CTIF: variants seen among roughly 807,000 people sequenced by gnomAD.
CTIF encodes cap binding complex dependent translation initiation factor.
In CTIF, 21 loss-of-function variants were observed where a neutral mutation model predicts 66.0. That is an observed-to-expected ratio of 0.32 (90% CI 0.23 to 0.46). CTIF has a LOEUF of 0.46. CTIF is among the 20% of genes least tolerant of loss of function. The probability of loss-of-function intolerance (pLI) is 1.00; values close to 1 mark genes in which losing one functional copy is unlikely to be tolerated. For synonymous variants in CTIF, 345 were observed against 326.4 expected (o/e 1.06, Z -0.62); for missense variants, 739 against 812.7 (o/e 0.91, Z 1.10).
intron 2 of CTIF, among the ~76,000 whole-genome samples, chr18:48,625,456 A>C (rs1289926468): frequency 6.6e-6 from 1 of 152,224 alleles, no homozygotes; most frequent in East Asian, 1.9e-4. Context: ...ATAAGAATTC[A>C]AATATTAACA....
At chr18:48,848,644 C>T (rs1422805748) in intron 10 of CTIF, among the ~76,000 whole-genome samples, 7 of 152,224 alleles carry the variant, frequency 4.6e-5, no homozygotes, top group Non-Finnish European at 7.3e-5. Flanking sequence ...CTCAGCACCC[C>T]CTTTCCCTCC....
Position 48,619,592 on chromosome 18 carries a change from C to A in CTIF, c.27C>A (p.Ala9=). 1 of 1,590,924 alleles carries A rather than the reference C, an allele frequency of 6.3e-7. No individual in the cohort carries two copies. Among genetic ancestry groups the A allele is most frequent in the Non-Finnish European group, 8.6e-7 (1 of 1,168,946 alleles). The change falls in exon 2 of 12, where the codon GCC becomes GCA. Residue 9 remains alanine (A), a synonymous_variant. Transcript: ENST00000256413. MENSSAAS[A]SSEAGSSRSQ... is the part of the protein sequence containing the mutation. ...TGGAAAACTCCTCTGCAGCATCAGC[C>A]TCCTCGGAGGCAGGGAGCAGCCGCT...
At chr18:48,715,733 G>A (rs902197299) in intron 7 of CTIF, among the ~76,000 whole-genome samples, 2 of 152,228 alleles carry the variant, frequency 1.3e-5, no homozygotes, top group African/African-American at 4.8e-5. Context: ...TGGGAAGCAG[G>A]CTCTGGGACA....
chr18:48,681,288 T>G (rs299734), intron 6 of CTIF, among the ~76,000 whole-genome samples: 94,181 of 152,062 alleles, frequency 0.62, 29,739 homozygotes, highest in East Asian at 0.83. Flanking sequence ...CACCGTCAGT[T>G]GCTTGCCTCC....
intron 9 of CTIF, among the ~76,000 whole-genome samples, chr18:48,769,293 A>C (rs1326749975): frequency 6.6e-6 from 1 of 152,220 alleles, no homozygotes; most frequent in Non-Finnish European, 1.5e-5. Context: ...CCATACCCAC[A>C]TCGAGCTCCC....
chr18:48,742,670 A>G (rs2092564996), intron 7 of CTIF, among the ~76,000 whole-genome samples: 1 of 152,272 alleles, frequency 6.6e-6, no homozygotes, highest in African/African-American at 2.4e-5. Context: ...CCAGTGCAAT[A>G]GACTTTATCA....
chr18:48,719,165 G>T (rs912862010), intron 7 of CTIF, among the ~76,000 whole-genome samples: 1 of 152,172 alleles, frequency 6.6e-6, no homozygotes, highest in East Asian at 1.9e-4. Flanking sequence ...CCTTGACACT[G>T]CTGTGGCTTC....
intron 7 of CTIF, among the ~76,000 whole-genome samples, chr18:48,715,789 A>G (rs1357464313): frequency 6.6e-6 from 1 of 152,234 alleles, no homozygotes. Context: ...TGGTGTTGAT[A>G]CTGGTAGAAG....
chr18:48,824,049 T>C (rs944968352), intron 10 of CTIF, among the ~76,000 whole-genome samples: 3 of 150,776 alleles, frequency 2.0e-5, no homozygotes, highest in African/African-American at 7.3e-5. Flanking sequence ...TCAGTAAATT[T>C]GCAAAAAACA....
At chr18:48,774,660 T>A (rs1910497341) in intron 9 of CTIF, among the ~76,000 whole-genome samples, 1 of 152,096 alleles carries the variant, frequency 6.6e-6, no homozygotes, top group Non-Finnish European at 1.5e-5. Flanking sequence ...AGACCAAGTG[T>A]ATTCCAGAGA....
chr18:48,667,885 C>G (rs1157649026), intron 5 of CTIF, among the ~76,000 whole-genome samples: 4 of 152,360 alleles, frequency 2.6e-5, no homozygotes, highest in East Asian at 1.9e-4. Flanking sequence ...CTGTGACCCC[C>G]TTAGAGTCCT....
chr18:48,817,213 C>T lies in CTIF; in HGVS notation c.1372-8C>T, dbSNP rs768886239. The T allele has an allele frequency of 2.7e-5, 43 of 1,612,388 alleles. No homozygotes were observed. Among genetic ancestry groups the T allele is most frequent in the Admixed American group, 1.7e-4 (10 of 59,946 alleles). Reference sequence around the variant, plus strand: ...GGGAGGCTGACGCGGTCTCTCATGCCTCCACAGAAGGACTTCACGGTGCGC... The same window carrying T: ...GGGAGGCTGACGCGGTCTCTCATGCTTCCACAGAAGGACTTCACGGTGCGC... On this transcript the variant is annotated splice_region_variant and splice_polypyrimidine_tract_variant and intron_variant, in intron 9 of 11. Coordinates refer to ENST00000256413, the MANE Select transcript of CTIF (RefSeq NM_014772.3).
intron 9 of CTIF, among the ~76,000 whole-genome samples, chr18:48,786,358 G>A (rs1911705164): frequency 6.6e-6 from 1 of 152,152 alleles, no homozygotes; most frequent in Admixed American, 6.5e-5. Flanking sequence ...CCCAGCGGTG[G>A]GCACTGTCAA....
intron 10 of CTIF, among the ~76,000 whole-genome samples, chr18:48,850,992 A>G (rs1367271799): frequency 6.6e-6 from 1 of 152,008 alleles, no homozygotes; most frequent in Non-Finnish European, 1.5e-5. Flanking sequence ...CCTTGAGAAA[A>G]CCCAGCAGGC....
At chr18:48,848,349 C>T (rs966098304) in intron 10 of CTIF, among the ~76,000 whole-genome samples, 2 of 152,232 alleles carry the variant, frequency 1.3e-5, no homozygotes, top group African/African-American at 4.8e-5. Flanking sequence ...CTCTGCAAAC[C>T]TCCCACTTTG....
At chr18:48,759,508 G>A (rs1437914273) in intron 8 of CTIF, among the ~76,000 whole-genome samples, 5 of 152,142 alleles carry the variant, frequency 3.3e-5, no homozygotes, top group African/African-American at 1.2e-4. Flanking sequence ...TCTGCTAAAT[G>A]TAACTGCAGG....
chr18:48,719,453 C>T (rs2092312446), intron 7 of CTIF, among the ~76,000 whole-genome samples: 1 of 152,196 alleles, frequency 6.6e-6, no homozygotes, highest in African/African-American at 2.4e-5. Context: ...TATATCTATA[C>T]ATCAGCTCAT....
At chr18:48,770,742 C>T (rs1434457718) in intron 9 of CTIF, among the ~76,000 whole-genome samples, 1 of 152,204 alleles carries the variant, frequency 6.6e-6, no homozygotes, top group Admixed American at 6.5e-5. Context: ...ATTGCTGCCT[C>T]GATGCTGATC....
chr18:48,541,815 C>G (rs1023918195), intron 1 of CTIF, among the ~76,000 whole-genome samples: 4 of 152,168 alleles, frequency 2.6e-5, no homozygotes, highest in African/African-American at 9.6e-5. Context: ...CCTTACAGGG[C>G]AGGTTTTCTT....
Sources: allele counts gnomAD v4.1 joint callset (sites outside exome capture counted in the v4.1 genomes callset), GRCh38; gene constraint gnomAD v4.1.1; transcripts MANE v1.5; gene names NCBI Gene and HGNC (gene_info 2026-07-23, HGNC 2026-07-21).